TMEM108: variants seen among roughly 807,000 people sequenced by gnomAD.
TMEM108 encodes transmembrane protein 108.
In TMEM108, 12 loss-of-function variants were observed where a neutral mutation model predicts 35.1. The observed-to-expected ratio is 0.34, with a 90% CI of 0.22 to 0.55. TMEM108 has a LOEUF of 0.55. TMEM108 is among the 20% of genes least tolerant of loss of function. The pLI is 0.89. For missense variants in TMEM108, 680 were observed against 753.3 expected, an observed-to-expected ratio of 0.90 and a Z score of 1.14; for synonymous variants, 287 against 308.6, an observed-to-expected ratio of 0.93 and a Z score of 0.73.
chr3:133,298,791 C>T (rs1417377399), intron 3 of TMEM108, among the ~76,000 whole-genome samples: 3 of 152,236 alleles, frequency 2.0e-5, no homozygotes, highest in Non-Finnish European at 4.4e-5. Context: ...TGCTCATAAC[C>T]ACTATGCTAT....
intron 2 of TMEM108, among the ~76,000 whole-genome samples, chr3:133,121,983 T>C (rs567546239): frequency 5.9e-5 from 9 of 152,320 alleles, no homozygotes; most frequent in Middle Eastern, 3.4e-3. Flanking sequence ...TTCTCTTCAG[T>C]TGTCCCTCTC....
At chr3:133,112,323 A>G (rs1055544456) in intron 2 of TMEM108, among the ~76,000 whole-genome samples, 1 of 152,184 alleles carries the variant, frequency 6.6e-6, no homozygotes, top group African/African-American at 2.4e-5. Context: ...CCATTCCCCT[A>G]TCTTCTTCCT....
intron 2 of TMEM108, among the ~76,000 whole-genome samples, chr3:133,077,812 T>C (rs1173346894): frequency 6.6e-6 from 1 of 152,082 alleles, no homozygotes; most frequent in African/African-American, 2.4e-5. Context: ...CTCTAATCTT[T>C]GTCTTTTGTG....
At chr3:133,394,172 C>A (rs1052943001) in intron 5 of TMEM108, among the ~76,000 whole-genome samples, 2 of 152,240 alleles carry the variant, frequency 1.3e-5, no homozygotes, top group Non-Finnish European at 2.9e-5. Context: ...ATCTCTAGAG[C>A]AATCATAAGG....
chr3:133,379,919 C>T lies in TMEM108; in HGVS notation c.208C>T (p.Pro70Ser), dbSNP rs763987660. 1.2e-6 allele frequency: 2 copies of T among 1,613,778 alleles called. No individual in the cohort carries two copies. Among genetic ancestry groups the T allele is most frequent in the Non-Finnish European group, 1.7e-6 (2 of 1,179,922 alleles). ...HTSVVMLTPN[P>S]DGPPSQAAAP... The stretch of plus-strand genomic sequence containing the variant: ...TTCTGTGGTGATGCTGACCCCCAAT[C>T]CCGATGGACCCCCCTCACAGGCTGC... Residue 70 changes from proline (P) to serine (S), a missense_variant, in exon 4 of 6, where the codon CCC (proline) becomes TCC (serine). Transcript: ENST00000321871.
intron 3 of TMEM108, among the ~76,000 whole-genome samples, chr3:133,251,379 A>G (rs922081003): frequency 6.6e-6 from 1 of 152,170 alleles, no homozygotes; most frequent in Admixed American, 6.5e-5. Flanking sequence ...TAATATGTTA[A>G]GATAAGGTCT....
intron 2 of TMEM108, among the ~76,000 whole-genome samples, chr3:133,196,976 G>C (rs1264022287): frequency 2.0e-5 from 3 of 152,176 alleles, no homozygotes; most frequent in Non-Finnish European, 4.4e-5. Context: ...ACACTGTCAG[G>C]TTAGACAAAA....
chr3:133,366,923 G>A (rs930753435), intron 3 of TMEM108, among the ~76,000 whole-genome samples: 23 of 152,328 alleles, frequency 1.5e-4, no homozygotes, highest in African/African-American at 5.5e-4. Context: ...CAGGTTTATT[G>A]AGGGGACTCA....
intron 3 of TMEM108, among the ~76,000 whole-genome samples, chr3:133,264,029 A>G (rs959113958): frequency 6.6e-6 from 1 of 152,184 alleles, no homozygotes; most frequent in Non-Finnish European, 1.5e-5. Flanking sequence ...TAACAGACCA[A>G]GTGTGATGAT....
intron 1 of TMEM108, among the ~76,000 whole-genome samples, chr3:133,042,290 G>C (rs1943285246): frequency 6.6e-6 from 1 of 152,146 alleles, no homozygotes; most frequent in South Asian, 2.1e-4. Context: ...TATGGCTTAG[G>C]TTATTTGAGG....
intron 2 of TMEM108, among the ~76,000 whole-genome samples, chr3:133,060,538 C>G (rs958172662): frequency 2.0e-5 from 3 of 152,114 alleles, no homozygotes; most frequent in Non-Finnish European, 2.9e-5. Context: ...TTGTATACCC[C>G]CCAAATTCAT....
chr3:133,165,685 C>G (rs1396182314), intron 2 of TMEM108, among the ~76,000 whole-genome samples: 1 of 152,162 alleles, frequency 6.6e-6, no homozygotes, highest in African/African-American at 2.4e-5. Context: ...GGCTGAGAAG[C>G]CTGCCTCTGA....
chr3:133,075,905 T>A (rs1436198732), intron 2 of TMEM108, among the ~76,000 whole-genome samples: 1 of 152,164 alleles, frequency 6.6e-6, no homozygotes, highest in Non-Finnish European at 1.5e-5. Flanking sequence ...AAGCAAGTGA[T>A]GTTCCTTTAA....
intron 2 of TMEM108, among the ~76,000 whole-genome samples, chr3:133,068,012 G>A (rs1943631895): frequency 6.6e-6 from 1 of 151,836 alleles, no homozygotes; most frequent in Admixed American, 6.6e-5. Flanking sequence ...GGGGAAATCA[G>A]GCTAAACTCA....
At chr3:133,039,515 A>G (rs986652057) in intron 1 of TMEM108, among the ~76,000 whole-genome samples, 1 of 152,166 alleles carries the variant, frequency 6.6e-6, no homozygotes, top group African/African-American at 2.4e-5. Flanking sequence ...AAAAAGGGGA[A>G]GGTATGTCCA....
Position 133,176,376 on chromosome 3 carries a change from T to A in TMEM108, c.-46-52890T>A, listed in dbSNP as rs1220348637. On this transcript the variant is annotated intron_variant, in intron 2 of 5. Coordinates refer to ENST00000321871, the MANE Select transcript of TMEM108 (RefSeq NM_023943.4). ...CAAATCAACAGAATATACATTTTTTTCAGCACCACATCGCTCTTATTCCAA... is the reference window on the plus strand; with the variant it reads ...CAAATCAACAGAATATACATTTTTTACAGCACCACATCGCTCTTATTCCAA... Among the ~76,000 whole-genome samples the A allele has an allele frequency of 3.3e-5, 5 of 152,236 alleles. 1 individual carries two copies. The highest frequency in any genetic ancestry group is 5.9e-5 in the Non-Finnish European group (4 of 68,046).
chr3:133,336,853 CACA>C (rs777207224), intron 3 of TMEM108, among the ~76,000 whole-genome samples: 22 of 152,182 alleles, frequency 1.4e-4, no homozygotes, highest in Non-Finnish European at 2.9e-4. Context: ...AGGCAGCATT[CACA>C]ACAAGCCAAC....
At chr3:133,302,073 T>C (rs1947232661) in intron 3 of TMEM108, among the ~76,000 whole-genome samples, 1 of 152,056 alleles carries the variant, frequency 6.6e-6, no homozygotes, top group African/African-American at 2.4e-5. Context: ...AATGGGGGAG[T>C]CTATAAATTC....
chr3:133,361,685 A>G (rs1245365725), intron 3 of TMEM108, among the ~76,000 whole-genome samples: 1 of 151,970 alleles, frequency 6.6e-6, no homozygotes, highest in Non-Finnish European at 1.5e-5. Flanking sequence ...TGGGACTCCT[A>G]AGCATCTCTC....
Sources: allele counts gnomAD v4.1 joint callset (sites outside exome capture counted in the v4.1 genomes callset), GRCh38; gene constraint gnomAD v4.1.1; transcripts MANE v1.5; gene names NCBI Gene and HGNC (gene_info 2026-07-23, HGNC 2026-07-21).